Variants in XRCC4 observed in about 807,000 individuals in gnomAD.
XRCC4 encodes the protein DNA repair protein XRCC4.
In XRCC4, 28 loss-of-function variants were observed where a neutral mutation model predicts 39.1. The ratio of observed to expected loss-of-function variants is 0.72; its 90% confidence interval spans 0.53 to 0.98. XRCC4 has a LOEUF of 0.98. Ranked by LOEUF, XRCC4 falls within the 50% of genes least tolerant of loss-of-function variation. The pLI, the probability that XRCC4 is intolerant of heterozygous loss-of-function variation, is 0.00. For missense variants in XRCC4, 350 were observed against 376.4 expected (o/e 0.93, Z 0.58); for synonymous variants, 123 against 126.4 (o/e 0.97, Z 0.18).
At chr5:83,239,089 A>C (rs1190849895) in intron 6 of XRCC4, among the ~76,000 whole-genome samples, 1 of 152,210 alleles carries the variant, frequency 6.6e-6, no homozygotes, top group African/African-American at 2.4e-5. Flanking sequence ...GTAGAAGAAA[A>C]TAGTGTACTA....
intron 3 of XRCC4, among the ~76,000 whole-genome samples, chr5:83,144,891 A>G (rs1748376805): frequency 6.6e-6 from 1 of 151,890 alleles, no homozygotes; most frequent in Non-Finnish European, 1.5e-5. Flanking sequence ...ATTTGTCATG[A>G]TCATAAATTA....
intron 3 of XRCC4, among the ~76,000 whole-genome samples, chr5:83,182,209 A>C (rs547958425): frequency 6.6e-6 from 1 of 152,268 alleles, no homozygotes; most frequent in East Asian, 1.9e-4. Flanking sequence ...GCTACTCAGC[A>C]TATTTAATAC....
At chr5:83,174,595 TG>T (rs1434718275) in intron 3 of XRCC4, among the ~76,000 whole-genome samples, 1 of 152,216 alleles carries the variant, frequency 6.6e-6, no homozygotes, top group East Asian at 1.9e-4. Flanking sequence ...GATTGCTTTT[TG>T]AAAAACAATT....
At chr5:83,181,027 C>T (rs1374600118) in intron 3 of XRCC4, among the ~76,000 whole-genome samples, 1 of 149,138 alleles carries the variant, frequency 6.7e-6, no homozygotes, top group Non-Finnish European at 1.5e-5. Context: ...CTGTCCCTCC[C>T]TGTCCCTGAT....
Position 83,250,008 on chromosome 5 carries a change from A to G in XRCC4, c.746-8522A>G, listed in dbSNP as rs1008039345. ...TAGATTTGATTAACAGTTGAGTAAA[A>G]TAAAAAGCAATGAAAATTTCAAAAA... is the stretch of plus-strand genomic sequence containing the variant. On this transcript the variant is annotated intron_variant, in intron 6 of 7. Coordinates refer to ENST00000396027, the MANE Select transcript of XRCC4 (RefSeq NM_003401.5). Among the ~76,000 whole-genome samples, 11 of 152,284 alleles carry G rather than the reference A, an allele frequency of 7.2e-5. No homozygotes were observed. The East Asian group carries it at 2.1e-3, about 29-fold the overall frequency.
chr5:83,117,635 G>A (rs984344361), intron 3 of XRCC4, among the ~76,000 whole-genome samples: 6 of 3,442 alleles, frequency 1.7e-3, no homozygotes, highest in Admixed American at 9.3e-3. Context: ...ATATATATGT[G>A]TGTGTGTGTG....
chr5:83,146,467 A>G (rs1197509601), intron 3 of XRCC4, among the ~76,000 whole-genome samples: 1 of 152,194 alleles, frequency 6.6e-6, no homozygotes, highest in African/African-American at 2.4e-5. Context: ...TAGGTTTTAC[A>G]TTATTAATAT....
chr5:83,118,641 G>A (rs76986753), intron 3 of XRCC4, among the ~76,000 whole-genome samples: 223 of 152,218 alleles, frequency 1.5e-3, no homozygotes, highest in Non-Finnish European at 2.3e-3. Context: ...TTTTGCTCAC[G>A]TCCCATTGGC....
chr5:83,129,655 G>A (rs1369200769), intron 3 of XRCC4, among the ~76,000 whole-genome samples: 2 of 152,000 alleles, frequency 1.3e-5, no homozygotes, highest in Non-Finnish European at 2.9e-5. Flanking sequence ...ATTTCATTGA[G>A]CGTGGTTTGT....
At chr5:83,348,796 T>C (rs1756995825) in intron 7 of XRCC4, among the ~76,000 whole-genome samples, 1 of 152,236 alleles carries the variant, frequency 6.6e-6, no homozygotes, top group African/African-American at 2.4e-5. Flanking sequence ...AATATTCTGC[T>C]TTCCTTTTAA....
At chr5:83,351,813 A>T (rs1462911897) in intron 7 of XRCC4, among the ~76,000 whole-genome samples, 1 of 152,190 alleles carries the variant, frequency 6.6e-6, no homozygotes, top group Non-Finnish European at 1.5e-5. Context: ...TCAAGATGCC[A>T]AGGAGAACTC....
At chr5:83,195,674 A>T (rs1750905091) in intron 3 of XRCC4, 96 bp from the exon 4 acceptor site, 1 of 1,195,486 alleles carries the variant, frequency 8.4e-7, no homozygotes, top group Admixed American at 2.9e-5. Context: ...TCCTTCTTAC[A>T]CTTTTTTATT....
At chr5:83,133,599 T>C (rs1394715987) in intron 3 of XRCC4, among the ~76,000 whole-genome samples, 2 of 152,180 alleles carry the variant, frequency 1.3e-5, no homozygotes, top group Non-Finnish European at 2.9e-5. Context: ...TGGACGCCCC[T>C]ACCCTAGCCT....
intron 3 of XRCC4, among the ~76,000 whole-genome samples, chr5:83,186,308 G>A (rs1258523717): frequency 3.3e-5 from 5 of 152,156 alleles, no homozygotes; most frequent in African/African-American, 1.2e-4. Flanking sequence ...AACATTCTTG[G>A]AAGGATCTGC....
intron 6 of XRCC4, among the ~76,000 whole-genome samples, chr5:83,239,998 G>A (rs945421400): frequency 3.3e-5 from 5 of 151,002 alleles, no homozygotes; most frequent in African/African-American, 4.9e-5. Flanking sequence ...GCTCTACAGA[G>A]GAAAAAAAAA....
intron 2 of XRCC4, among the ~76,000 whole-genome samples, chr5:83,108,846 ATCT>A (rs1027580679): frequency 6.6e-5 from 8 of 121,876 alleles, no homozygotes; most frequent in Admixed American, 1.5e-4. Flanking sequence ...GGAAGCATTT[ATCT>A]TCTTCTTTTT....
intron 3 of XRCC4, among the ~76,000 whole-genome samples, chr5:83,164,697 ATTT>A (rs928892085): frequency 6.6e-6 from 1 of 152,146 alleles, no homozygotes; most frequent in African/African-American, 2.4e-5. Flanking sequence ...AATGTATACA[ATTT>A]TTATTTCCCA....
chr5:83,153,214 CTTT>C (rs36084579), intron 3 of XRCC4, among the ~76,000 whole-genome samples: 1 of 145,236 alleles, frequency 6.9e-6, no homozygotes. Flanking sequence ...TTCATTCAAA[CTTT>C]TTTTTTTTTT....
intron 1 of XRCC4, among the ~76,000 whole-genome samples, chr5:83,098,763 T>TA (rs942294168): frequency 1.3e-5 from 2 of 151,912 alleles, no homozygotes; most frequent in Non-Finnish European, 2.9e-5. Flanking sequence ...AATTATTCAG[T>TA]AAAAAAAATC....
Sources: gnomAD v4.1 joint callset for allele counts (sites outside exome capture counted in the v4.1 genomes callset) on GRCh38, gnomAD v4.1.1 for gene constraint, MANE v1.5 for transcripts, NCBI Gene and HGNC (gene_info 2026-07-23, HGNC 2026-07-21) for gene names.